Variants in LMF1 observed in about 807,000 individuals in gnomAD.
The protein encoded by LMF1 is transmembrane protein 112.
LMF1 carries 68 observed loss-of-function variants against 60.6 expected under a neutral mutation model. The observed-to-expected ratio is 1.12, with a 90% CI of 0.92 to 1.37. The LOEUF is 1.37. LMF1 is among the 40% of genes most tolerant of loss of function. LMF1 has a pLI of 0.00. For synonymous variants in LMF1, 418 were observed against 324.7 expected (o/e 1.29, Z -3.09); for missense variants, 948 against 767.2 (o/e 1.24, Z -2.78).
At position 955,025 on chromosome 16, in the gene LMF1, G is replaced by A. The variant is rs59007758; in HGVS notation, c.194-359C>T. Among the ~76,000 whole-genome samples the A allele has an allele frequency of 2.4e-4, 32 of 130,882 alleles. No individual in the cohort carries two copies. In the East Asian group the frequency reaches 7.0e-3, roughly 29 times the overall value. The allele number at this position is 130,882 out of a possible 152,430, so 85.9% of individuals were successfully genotyped here. A position where few individuals can be genotyped will look rare whatever the true frequency, so the allele number is the denominator to read the frequency against. The stretch of plus-strand genomic sequence containing the variant: ...AATGCGTGCCTGCAGCAGATGCGGT[G>A]TGTGCATACACACACACACATCTAA... On this transcript the variant is annotated intron_variant, in intron 1 of 10. Transcript: ENST00000262301.
intron 10 of LMF1, among the ~76,000 whole-genome samples, chr16:867,830 C>T (rs560177693): frequency 2.6e-5 from 4 of 152,228 alleles, no homozygotes; most frequent in Non-Finnish European, 2.9e-5. Flanking sequence ...ATCGCTTGGC[C>T]GGGAGCACCT....
At chr16:891,726 C>G (rs1054848895) in intron 5 of LMF1, among the ~76,000 whole-genome samples, 1 of 152,208 alleles carries the variant, frequency 6.6e-6, no homozygotes, top group African/African-American at 2.4e-5. Flanking sequence ...TCTGGAGACA[C>G]TGGTCCCCTC....
rs546145371 is a variant in LMF1 at position 861,489 on chromosome 16, C to G, written c.1530-6783G>C. On this transcript the variant is annotated intron_variant, in intron 10 of 10. Coordinates refer to ENST00000262301, the MANE Select transcript of LMF1 (RefSeq NM_022773.4). ...TCTCCTACCTCAGCCTCCTGAGTAG[C>G]TGGGATTACAGGCATGCGTCACCAC... Among the ~76,000 whole-genome samples the G allele has an allele frequency of 1.1e-4, 17 of 151,344 alleles. No individual in the cohort carries two copies. In the South Asian group the frequency reaches 3.3e-3, roughly 30 times the overall value.
chr16:950,219 C>G (rs1290237196), intron 2 of LMF1, among the ~76,000 whole-genome samples: 1 of 104,044 alleles, frequency 9.6e-6, no homozygotes, highest in Non-Finnish European at 1.8e-5. Context: ...GAGTCAGAGA[C>G]AGCGACAGAG....
upstream of LMF1, chr16:981,344 G>GAGAA (rs1555484966): frequency 3.2e-4 from 79 of 249,914 alleles, no homozygotes; most frequent in South Asian, 1.2e-3. Flanking sequence ...GAGAGAGAGA[G>GAGAA]AGAGTGTGTG....
At chr16:922,988 C>T (rs1455398430) in intron 3 of LMF1, among the ~76,000 whole-genome samples, 4 of 111,256 alleles carry the variant, frequency 3.6e-5, no homozygotes, top group Non-Finnish European at 5.2e-5. Context: ...CCTGGGTTTT[C>T]GGGTGTGATG....
intron 6 of LMF1, among the ~76,000 whole-genome samples, chr16:876,180 G>A (rs977366011): frequency 2.6e-5 from 4 of 152,262 alleles, no homozygotes; most frequent in Non-Finnish European, 5.9e-5. Context: ...CGGGCGTCTC[G>A]GAACCGAAGA....
chr16:893,378 C>T (rs1418600083), intron 4 of LMF1: 18 of 509,100 alleles, frequency 3.5e-5, no homozygotes, highest in African/African-American at 1.5e-4. Context: ...ACAGAAGTTG[C>T]GTGTCTTTAA....
chr16:894,871 G>A (rs1036417078), intron 4 of LMF1, among the ~76,000 whole-genome samples: 2 of 152,226 alleles, frequency 1.3e-5, no homozygotes, highest in Non-Finnish European at 2.9e-5. Flanking sequence ...GTTTCCACAC[G>A]AAATGGAATT....
At chr16:892,579 A>T (rs548167276) in intron 5 of LMF1, among the ~76,000 whole-genome samples, 12 of 152,350 alleles carry the variant, frequency 7.9e-5, no homozygotes, top group African/African-American at 2.9e-4. Context: ...GCCCTGTGGG[A>T]CACACCTGCC....
chr16:859,006 C>T (rs368605539), intron 10 of LMF1, among the ~76,000 whole-genome samples: 1 of 11,920 alleles, frequency 8.4e-5, no homozygotes. Context: ...TCACGGGACG[C>T]GTGTGCAGTG....
At chr16:903,976 A>G in intron 4 of LMF1, 1 of 170,298 alleles carries the variant, frequency 5.9e-6, no homozygotes, top group Non-Finnish European at 1.0e-5. Context: ...TGACCTCTGC[A>G]CTGCCCACAG....
intron 1 of LMF1, among the ~76,000 whole-genome samples, chr16:955,501 C>G (rs969861691): frequency 6.7e-6 from 1 of 149,698 alleles, no homozygotes; most frequent in Non-Finnish European, 1.5e-5. Flanking sequence ...GTAAACTAGA[C>G]ACGTTACATA....
chr16:937,732 G>A (rs1400104884), intron 2 of LMF1, among the ~76,000 whole-genome samples: 1 of 152,244 alleles, frequency 6.6e-6, no homozygotes, highest in African/African-American at 2.4e-5. Context: ...AAGACTTCAT[G>A]TATAAATATT....
chr16:925,530 G>C (rs2071568402), intron 3 of LMF1, among the ~76,000 whole-genome samples: 1 of 152,160 alleles, frequency 6.6e-6, no homozygotes, highest in African/African-American at 2.4e-5. Flanking sequence ...AGGAGTTCAA[G>C]ACCAGCCTGG....
chr16:861,628 T>A (rs1039357522), intron 10 of LMF1, among the ~76,000 whole-genome samples: 1 of 152,198 alleles, frequency 6.6e-6, no homozygotes, highest in African/African-American at 2.4e-5. Flanking sequence ...AGTGCTGGGA[T>A]TGCAGGTGTG....
chr16:971,171 C>G (rs2073045300), upstream of LMF1, among the ~76,000 whole-genome samples: 1 of 152,272 alleles, frequency 6.6e-6, no homozygotes, highest in East Asian at 1.9e-4. Flanking sequence ...GAGCGGGTGC[C>G]CGGAGCCTGC....
intron 10 of LMF1, among the ~76,000 whole-genome samples, chr16:865,982 A>G (rs967982095): frequency 1.3e-5 from 2 of 152,168 alleles, no homozygotes; most frequent in Non-Finnish European, 2.9e-5. Context: ...TGGTTCTTTA[A>G]AAAACCGATT....
chr16:870,842 G>A lies in LMF1; in HGVS notation c.1119C>T (p.Val373=). Residue 373 remains valine (V), a synonymous_variant, in exon 8 of 11, where the codon GTC becomes GTT. Transcript: ENST00000262301. ...VRRAANVSLG[V]LLAWLSVPVV... ...CGGGCACGCTGAGCCAGGCCAGCAG[G>A]ACGCCCAGCGAGACGTTGGCTGCAC... 2 of 1,611,574 alleles carry A rather than the reference G, an allele frequency of 1.2e-6. No homozygotes were observed. Among genetic ancestry groups the A allele is most frequent in the South Asian group, 2.2e-5 (2 of 91,086 alleles).
Sources: gnomAD v4.1 joint callset for allele counts (sites outside exome capture counted in the v4.1 genomes callset) on GRCh38, gnomAD v4.1.1 for gene constraint, MANE v1.5 for transcripts, NCBI Gene and HGNC (gene_info 2026-07-23, HGNC 2026-07-21) for gene names.